SHISA9: variants seen among roughly 807,000 people sequenced by gnomAD.
The protein encoded by SHISA9 is shisa family member 9.
Under a neutral mutation model 38.0 loss-of-function variants are expected in SHISA9, and 13 were observed. The observed-to-expected ratio is 0.34, with a 90% confidence interval of 0.22 to 0.54. The LOEUF (loss-of-function observed/expected upper bound fraction) is 0.54. SHISA9 is among the 20% of genes least tolerant of loss of function. The probability of loss-of-function intolerance (pLI) is 0.91; values close to 1 mark genes in which losing one functional copy is unlikely to be tolerated. For synonymous variants in SHISA9, 275 were observed against 242.0 expected, an observed-to-expected ratio of 1.14 and a Z score of -1.27; for missense variants, 538 against 575.8, an observed-to-expected ratio of 0.93 and a Z score of 0.67.
the SHISA9 span, among the ~76,000 whole-genome samples, chr16:13,342,208 C>A: frequency 6.6e-6 from 1 of 152,202 alleles, no homozygotes; most frequent in Non-Finnish European, 1.5e-5. Context: ...TATTATTTCA[C>A]GTGCTCTATA....
chr16:13,163,912 C>T (rs1429738840), intron 2 of SHISA9, among the ~76,000 whole-genome samples: 1 of 151,890 alleles, frequency 6.6e-6, no homozygotes, highest in Admixed American at 6.6e-5. Flanking sequence ...CAGAGATGAT[C>T]TCATCTGCAA....
chr16:13,487,591 GACCCCACCTCCA>G, the SHISA9 span, among the ~76,000 whole-genome samples: 1 of 152,194 alleles, frequency 6.6e-6, no homozygotes, highest in Non-Finnish European at 1.5e-5. Context: ...GCTGCCACCA[GACCCCACCTCCA>G]ACATTTGGGA....
At chr16:12,937,521 A>G (rs2071550173) in intron 2 of SHISA9, among the ~76,000 whole-genome samples, 2 of 152,238 alleles carry the variant, frequency 1.3e-5, no homozygotes, top group Non-Finnish European at 2.9e-5. Context: ...TGGGTGGCTT[A>G]AACAACAGGA....
intron 1 of SHISA9, among the ~76,000 whole-genome samples, chr16:12,905,901 G>A (rs1464129942): frequency 4.6e-5 from 7 of 152,156 alleles, no homozygotes; most frequent in African/African-American, 1.2e-4. Flanking sequence ...GTGCCTGACC[G>A]TATTTGTATT....
the SHISA9 span, among the ~76,000 whole-genome samples, chr16:13,539,305 T>TAG: frequency 1.8e-5 from 1 of 54,524 alleles, no homozygotes; most frequent in Non-Finnish European, 4.0e-5. Flanking sequence ...AAATTTTACA[T>TAG]ATATATATAT....
chr16:13,256,143 C>G, the SHISA9 span, among the ~76,000 whole-genome samples: 1 of 152,216 alleles, frequency 6.6e-6, no homozygotes, highest in Non-Finnish European at 1.5e-5. Context: ...TAACTTTTCT[C>G]CTACATCTGC....
At chr16:13,273,634 T>G in the SHISA9 span, among the ~76,000 whole-genome samples, 1 of 152,174 alleles carries the variant, frequency 6.6e-6, no homozygotes. Context: ...GGGTATGTCT[T>G]TATCAGTCAG....
chr16:13,119,218 C>T lies in SHISA9; in HGVS notation c.692-84176C>T, dbSNP rs74882324. ...TAAGCTTCTCCCTCTCAAGAGGGAG[C>T]GAGATCTGCAGCTGTGAAACCAGAT... On this transcript the variant is annotated intron_variant, in intron 2 of 4. Transcript: ENST00000558583. 3.1e-3 allele frequency among the ~76,000 whole-genome samples: 473 copies of T among 152,282 alleles called. 5 individuals carry two copies. The highest frequency in any genetic ancestry group is 0.011 in the African/African-American group (445 of 41,572).
At chr16:13,108,666 G>T (rs75559924) in intron 2 of SHISA9, among the ~76,000 whole-genome samples, 1 of 152,096 alleles carries the variant, frequency 6.6e-6, no homozygotes, top group African/African-American at 2.4e-5. Flanking sequence ...TAATACTAGA[G>T]GGAAAAAAAT....
At chr16:13,098,716 T>G (rs1047061094) in intron 2 of SHISA9, among the ~76,000 whole-genome samples, 1 of 152,214 alleles carries the variant, frequency 6.6e-6, no homozygotes, top group South Asian at 2.1e-4. Context: ...ATCCACTCTG[T>G]GCATGTGGCT....
chr16:13,230,387 G>A (rs1414318261), intron 4 of SHISA9, among the ~76,000 whole-genome samples: 2 of 152,202 alleles, frequency 1.3e-5, no homozygotes, highest in African/African-American at 4.8e-5. Flanking sequence ...GGGGGTAGGA[G>A]AAAGGGAATA....
At chr16:13,196,510 G>A (rs936291397) in intron 2 of SHISA9, among the ~76,000 whole-genome samples, 2 of 152,078 alleles carry the variant, frequency 1.3e-5, no homozygotes, top group Non-Finnish European at 2.9e-5. Context: ...ACTGTCACAC[G>A]CAAGAGGAAT....
chr16:13,554,617 G>T, the SHISA9 span, among the ~76,000 whole-genome samples: 17 of 150,616 alleles, frequency 1.1e-4, no homozygotes, highest in African/African-American at 3.7e-4. Context: ...TCAGCCTCCC[G>T]AGTAGCTGGG....
chr16:13,178,745 A>G (rs1209245540), intron 2 of SHISA9, among the ~76,000 whole-genome samples: 1 of 152,102 alleles, frequency 6.6e-6, no homozygotes, highest in African/African-American at 2.4e-5. Context: ...AAATAGTAAT[A>G]TTTCCCAGAG....
the SHISA9 span, among the ~76,000 whole-genome samples, chr16:13,365,645 GAC>G: frequency 6.6e-6 from 1 of 151,936 alleles, no homozygotes; most frequent in Non-Finnish European, 1.5e-5. Context: ...TTTTTATAGA[GAC>G]AGGTTTTCAC....
chr16:12,928,060 T>A (rs1391367217), intron 2 of SHISA9, among the ~76,000 whole-genome samples: 1 of 152,362 alleles, frequency 6.6e-6, no homozygotes, highest in Middle Eastern at 3.4e-3. Flanking sequence ...AAGGGCATTT[T>A]AACATCAAAC....
the SHISA9 span, among the ~76,000 whole-genome samples, chr16:13,408,075 C>A: frequency 2.0e-5 from 3 of 150,930 alleles, no homozygotes; most frequent in Non-Finnish European, 4.5e-5. Flanking sequence ...TTGATAATTT[C>A]TTTTGCTGTG....
the SHISA9 span, among the ~76,000 whole-genome samples, chr16:13,371,624 A>T: frequency 5.9e-5 from 9 of 152,384 alleles, no homozygotes; most frequent in African/African-American, 2.2e-4. Flanking sequence ...AAGGATAAAG[A>T]AAAAAGAGTA....
chr16:12,970,469 GTATATATATATATA>G (rs781120776), intron 2 of SHISA9, among the ~76,000 whole-genome samples: 1 of 24,044 alleles, frequency 4.2e-5, no homozygotes, highest in Non-Finnish European at 7.0e-5. Context: ...ATATGTGTGT[GTATATATATATATA>G]TATATATATA....
Sources: allele counts gnomAD v4.1 joint callset (sites outside exome capture counted in the v4.1 genomes callset), GRCh38; gene constraint gnomAD v4.1.1; transcripts MANE v1.5; gene names NCBI Gene and HGNC (gene_info 2026-07-23, HGNC 2026-07-21).